Variants in CLRN2 observed in about 807,000 individuals in gnomAD.
The protein encoded by CLRN2 is clarin 2.
CLRN2 carries 17 observed loss-of-function variants against 20.1 expected under a neutral mutation model. The observed-to-expected ratio is 0.85, with a 90% confidence interval of 0.58 to 1.27. The LOEUF (loss-of-function observed/expected upper bound fraction) is 1.27. Ranked by LOEUF, CLRN2 falls within the 50% of genes most tolerant of loss-of-function variation. The probability of loss-of-function intolerance (pLI) is 0.00; values close to 1 mark genes in which losing one functional copy is unlikely to be tolerated. For synonymous variants in CLRN2, 140 were observed against 126.9 expected (o/e 1.10, Z -0.70); for missense variants, 288 against 299.5 (o/e 0.96, Z 0.28).
chr4:17,524,224 G>C (rs1034185585), intron 2 of CLRN2, among the ~76,000 whole-genome samples: 3 of 151,672 alleles, frequency 2.0e-5, no homozygotes, highest in Non-Finnish European at 4.4e-5. Flanking sequence ...GTGTGTGTGT[G>C]TGTGTGTGTG....
At chr4:17,517,369 C>T (rs1398323783) in intron 1 of CLRN2, among the ~76,000 whole-genome samples, 1 of 152,142 alleles carries the variant, frequency 6.6e-6, no homozygotes, top group African/African-American at 2.4e-5. Flanking sequence ...GACCTTGAGA[C>T]TTCTTCACAA....
chr4:17,520,091 A>G (rs1013613977), intron 1 of CLRN2, among the ~76,000 whole-genome samples: 4 of 152,150 alleles, frequency 2.6e-5, no homozygotes, highest in African/African-American at 9.7e-5. Context: ...TTATGGCCCA[A>G]GAATGTGGGG....
At chr4:17,519,134 C>T (rs1300189366) in intron 1 of CLRN2, among the ~76,000 whole-genome samples, 2 of 152,174 alleles carry the variant, frequency 1.3e-5, no homozygotes, top group African/African-American at 4.8e-5. Flanking sequence ...AAAAGGACTG[C>T]CAGACCTCTC....
At position 17,523,073 on chromosome 4, in the gene CLRN2, T is replaced by C. The variant is rs753577156; in HGVS notation, c.433+30T>C. 5 of 1,576,240 alleles carry C rather than the reference T, an allele frequency of 3.2e-6. No homozygotes were observed. The South Asian group carries it at 4.6e-5, about 14-fold the overall frequency. On this transcript the variant is annotated intron_variant, in intron 2 of 2. Transcript: ENST00000511148. ...GAAGTCCCTTAGGGAGAGAAAATTA[T>C]GTCCACACCATCATAGGGCTGGGCT...
chr4:17,515,688 CCTTCCTTG>C (rs1259074124), intron 1 of CLRN2, among the ~76,000 whole-genome samples, 169 bp downstream of exon 1: 2 of 152,158 alleles, frequency 1.3e-5, no homozygotes, highest in African/African-American at 4.8e-5. Context: ...ATCTTTCCTT[CCTTCCTTG>C]CTTCCTTTTC....
intron 2 of CLRN2, among the ~76,000 whole-genome samples, chr4:17,525,647 C>T (rs1316298851): frequency 6.6e-6 from 1 of 151,950 alleles, no homozygotes; most frequent in African/African-American, 2.4e-5. Flanking sequence ...AAGACCCTGT[C>T]TCAAAAACAA....
At chr4:17,517,862 G>A (rs1321668704) in intron 1 of CLRN2, among the ~76,000 whole-genome samples, 1 of 152,140 alleles carries the variant, frequency 6.6e-6, no homozygotes, top group African/African-American at 2.4e-5. Flanking sequence ...CCTGGGGCCA[G>A]GTTCCTCCTG....
chr4:17,522,354 G>T (rs887262610), intron 1 of CLRN2, among the ~76,000 whole-genome samples: 1 of 152,172 alleles, frequency 6.6e-6, no homozygotes, highest in Non-Finnish European at 1.5e-5. Flanking sequence ...CACTATTTGA[G>T]CTACTCTATT....
chr4:17,521,822 C>T (rs1711843133), intron 1 of CLRN2, among the ~76,000 whole-genome samples: 1 of 152,188 alleles, frequency 6.6e-6, no homozygotes, highest in African/African-American at 2.4e-5. Flanking sequence ...CCCGATTGGT[C>T]ATTACAGCTG....
intron 1 of CLRN2, among the ~76,000 whole-genome samples, chr4:17,522,644 T>G (rs894638614): frequency 6.6e-6 from 1 of 152,212 alleles, no homozygotes; most frequent in African/African-American, 2.4e-5. Flanking sequence ...ATTTTGATTT[T>G]GTGTCCACTC....
Position 17,522,769 on chromosome 4 carries a change from C to T in CLRN2, c.254-95C>T, listed in dbSNP as rs1711864369. The T allele has an allele frequency of 4.4e-6, 6 of 1,352,152 alleles. No homozygotes were observed. In the South Asian group the frequency reaches 8.1e-5, roughly 18 times the overall value. The allele number at this position is 1,352,152 out of a possible 1,614,324, so 83.8% of individuals were successfully genotyped here. On this transcript the variant is annotated intron_variant, in intron 1 of 2. Transcript: ENST00000511148. ...CACGCTTGCTGTCTTGCCCTCACCC[C>T]TGTCTGTCGAAGCCTTCGTGGTAAG...
intron 1 of CLRN2, among the ~76,000 whole-genome samples, chr4:17,519,122 C>A (rs894158285): frequency 2.6e-5 from 4 of 152,168 alleles, no homozygotes; most frequent in Non-Finnish European, 5.9e-5. Context: ...CCTGCTGGGG[C>A]GAAAAGGACT....
At chr4:17,522,731 T>C (rs990201151) in intron 1 of CLRN2, 133 bp from the exon 2 acceptor site, 23 of 834,228 alleles carry the variant, frequency 2.8e-5, no homozygotes, top group Non-Finnish European at 3.6e-5. Context: ...AGTCTCCCGC[T>C]GTTTGAAATC....
chr4:17,526,950 T>G lies in CLRN2; in HGVS notation c.567T>G (p.Phe189Leu). The part of the protein sequence containing the change: ...VVVEEQYEES[F>L]WICVASASAH... ...TGGAAGAACAGTATGAAGAGTCGTT[T>G]TGGATCTGCGTGGCCAGCGCTTCGG... Residue 189 changes from phenylalanine to leucine, a missense_variant, in exon 3 of 3, where the codon TTT becomes TTG. By Grantham distance (22) the Phe-to-Leu change is conservative. Coordinates refer to ENST00000511148, the MANE Select transcript of CLRN2 (RefSeq NM_001079827.2). The G allele has an allele frequency of 6.2e-7, 1 of 1,614,012 alleles. No homozygotes were observed. Among genetic ancestry groups the G allele is most frequent in the Non-Finnish European group, 8.5e-7 (1 of 1,179,896 alleles).
intron 2 of CLRN2, among the ~76,000 whole-genome samples, chr4:17,523,757 TC>T (rs1449713104): frequency 6.8e-6 from 1 of 147,874 alleles, no homozygotes; most frequent in African/African-American, 2.5e-5. Context: ...CCATTCAGGC[TC>T]TGGGTTGAGA....
intron 1 of CLRN2, among the ~76,000 whole-genome samples, chr4:17,519,011 G>A (rs1356278406): frequency 2.6e-5 from 4 of 152,188 alleles, no homozygotes; most frequent in Admixed American, 2.6e-4. Flanking sequence ...TTGCTTTGCA[G>A]CTTTTAGTTC....
intron 2 of CLRN2, among the ~76,000 whole-genome samples, chr4:17,524,845 G>C (rs1711938512): frequency 6.6e-6 from 1 of 152,144 alleles, no homozygotes. Context: ...TAGGGAGGCT[G>C]AGGTGGGAGG....
At chr4:17,519,049 C>A (rs928806001) in intron 1 of CLRN2, among the ~76,000 whole-genome samples, 7 of 152,234 alleles carry the variant, frequency 4.6e-5, no homozygotes, top group African/African-American at 1.7e-4. Context: ...TCCTGCCTCA[C>A]AGGTATTCCA....
chr4:17,515,186 A>T lies in CLRN2; in HGVS notation c.-81A>T. ...TGTTTGGAAGAGCTGACCTTGGAGCAGAGCATTGCCGAGTATCTGAAAGAT... is the reference window on the plus strand; with the variant it reads ...TGTTTGGAAGAGCTGACCTTGGAGCTGAGCATTGCCGAGTATCTGAAAGAT... On this transcript the variant is annotated 5_prime_UTR_variant, in exon 1 of 3. Transcript: ENST00000511148. 1 of 1,536,030 alleles carries T rather than the reference A, an allele frequency of 6.5e-7. No individual in the cohort carries two copies. Among genetic ancestry groups the T allele is most frequent in the Non-Finnish European group, 8.9e-7 (1 of 1,129,720 alleles).
Sources: gnomAD v4.1 joint callset for allele counts (sites outside exome capture counted in the v4.1 genomes callset) on GRCh38, gnomAD v4.1.1 for gene constraint, MANE v1.5 for transcripts, NCBI Gene and HGNC (gene_info 2026-07-23, HGNC 2026-07-21) for gene names.